SETBP1: variants seen among roughly 807,000 people sequenced by gnomAD.
SETBP1 encodes the protein SET-binding protein.
Under a neutral mutation model 101.0 loss-of-function variants are expected in SETBP1, and 9 were observed. The ratio of observed to expected loss-of-function variants is 0.09; its 90% CI spans 0.05 to 0.16. The LOEUF (loss-of-function observed/expected upper bound fraction) is 0.16, where lower values mean the gene tolerates loss of function less well. SETBP1 is among the 10% of genes least tolerant of loss of function. SETBP1 has a pLI of 1.00. For synonymous variants in SETBP1, 818 were observed against 788.5 expected (o/e 1.04, Z -0.63); for missense variants, 1,858 against 2,033.8 (o/e 0.91, Z 1.66).
intron 5 of SETBP1, among the ~76,000 whole-genome samples, chr18:45,053,271 C>T (rs1315091171): frequency 6.6e-6 from 1 of 152,100 alleles, no homozygotes; most frequent in Non-Finnish European, 1.5e-5. Flanking sequence ...GCACTAAAAT[C>T]TCAGATCAAC....
chr18:44,868,779 C>G (rs2069199677), intron 2 of SETBP1, among the ~76,000 whole-genome samples: 1 of 148,838 alleles, frequency 6.7e-6, no homozygotes, highest in African/African-American at 2.5e-5. Flanking sequence ...AGGAAAAGCC[C>G]TCTTAGAGGA....
intron 2 of SETBP1, among the ~76,000 whole-genome samples, chr18:44,846,250 G>T (rs1005625757): frequency 5.9e-5 from 9 of 152,102 alleles, no homozygotes; most frequent in African/African-American, 2.2e-4. Flanking sequence ...AAAGTTTAAT[G>T]CTCCCATAGT....
intron 4 of SETBP1, among the ~76,000 whole-genome samples, chr18:44,998,001 A>G (rs16978242): frequency 0.22 from 34,042 of 152,134 alleles, 4,058 homozygotes; most frequent in East Asian, 0.48. Flanking sequence ...TCTTTAGCAC[A>G]TATTGTAACT....
intron 2 of SETBP1, among the ~76,000 whole-genome samples, chr18:44,807,278 G>A (rs902410462): frequency 1.4e-4 from 21 of 151,970 alleles, no homozygotes; most frequent in African/African-American, 4.6e-4. Flanking sequence ...AAAGTTTACG[G>A]CCACTGATTT....
intron 2 of SETBP1, among the ~76,000 whole-genome samples, chr18:44,760,693 G>C (rs1412877703): frequency 6.6e-6 from 1 of 152,094 alleles, no homozygotes; most frequent in Non-Finnish European, 1.5e-5. Context: ...ACATTTTTCA[G>C]TTATTTTGCA....
At chr18:44,720,249 A>T (rs1481008063) in intron 2 of SETBP1, among the ~76,000 whole-genome samples, 1 of 152,246 alleles carries the variant, frequency 6.6e-6, no homozygotes, top group Non-Finnish European at 1.5e-5. Flanking sequence ...GCCATGAAGC[A>T]GAAGACACTG....
At chr18:44,749,732 A>C (rs1047953783) in intron 2 of SETBP1, among the ~76,000 whole-genome samples, 1 of 152,236 alleles carries the variant, frequency 6.6e-6, no homozygotes, top group African/African-American at 2.4e-5. Context: ...GTTTCAAAGA[A>C]GTTAGAAGTA....
At chr18:44,827,537 A>C (rs2072263440) in intron 2 of SETBP1, among the ~76,000 whole-genome samples, 1 of 152,210 alleles carries the variant, frequency 6.6e-6, no homozygotes, top group Non-Finnish European at 1.5e-5. Flanking sequence ...TCACTATCAA[A>C]TGTATATCAT....
rs553755849 is a variant in SETBP1 at position 44,699,793 on chromosome 18, G to A, written c.-172-1382G>A. 3.3e-5 allele frequency among the ~76,000 whole-genome samples: 5 copies of A among 152,360 alleles called. No individual in the cohort carries two copies. The East Asian group carries it at 7.7e-4, about 24-fold the overall frequency. On this transcript the variant is annotated intron_variant, in intron 1 of 5. Coordinates refer to ENST00000649279, the MANE Select transcript of SETBP1 (RefSeq NM_015559.3). ...CAGGGTCCGTGTTGGAGCCGGGGCT[G>A]CCTTCCTGGCTGGCTTCCTCACAGG... is the stretch of plus-strand genomic sequence containing the variant.
intron 5 of SETBP1, among the ~76,000 whole-genome samples, chr18:45,054,071 T>C (rs757147130): frequency 6.6e-6 from 1 of 152,170 alleles, no homozygotes; most frequent in Non-Finnish European, 1.5e-5. Flanking sequence ...TGATCCATAT[T>C]ACAACAAACA....
chr18:44,851,219 A>G (rs1441222786), intron 2 of SETBP1, among the ~76,000 whole-genome samples: 1 of 152,256 alleles, frequency 6.6e-6, no homozygotes, highest in Admixed American at 6.5e-5. Context: ...AATAAGTGGC[A>G]TAGATAGAAC....
In SETBP1 at chr18:44,953,371, T is replaced by C. The variant is rs768143906; in HGVS notation, c.4000+31T>C. 8 of 1,576,256 alleles carry C rather than the reference T, an allele frequency of 5.1e-6. No homozygotes were observed. In the South Asian group the frequency reaches 8.9e-5, roughly 18 times the overall value. Reference sequence around the variant, plus strand: ...GCTGTTTTTCTTCAGAAATGGATTATCAAGTTATTTCATTGCTGGGCTTTG... The same window carrying C: ...GCTGTTTTTCTTCAGAAATGGATTACCAAGTTATTTCATTGCTGGGCTTTG... On this transcript the variant is annotated intron_variant, in intron 4 of 5. Coordinates refer to ENST00000649279, the MANE Select transcript of SETBP1 (RefSeq NM_015559.3).
chr18:44,940,133 T>G (rs1420169574), intron 3 of SETBP1, among the ~76,000 whole-genome samples: 1 of 152,230 alleles, frequency 6.6e-6, no homozygotes, highest in Admixed American at 6.5e-5. Flanking sequence ...TCCATAATTA[T>G]CTCTGGGAAT....
chr18:44,768,769 A>G (rs993825768), intron 2 of SETBP1, among the ~76,000 whole-genome samples: 2 of 152,228 alleles, frequency 1.3e-5, no homozygotes, highest in African/African-American at 4.8e-5. Context: ...CTGTTTCACT[A>G]AAGACTTTGT....
At chr18:44,801,768 CTT>C (rs1032793487) in intron 2 of SETBP1, among the ~76,000 whole-genome samples, 10 of 137,316 alleles carry the variant, frequency 7.3e-5, no homozygotes, top group Admixed American at 1.5e-4. Flanking sequence ...TTAACAAAGA[CTT>C]TTTTTTTTTT....
At chr18:44,806,888 C>T (rs2071754127) in intron 2 of SETBP1, among the ~76,000 whole-genome samples, 1 of 151,790 alleles carries the variant, frequency 6.6e-6, no homozygotes, top group East Asian at 1.9e-4. Flanking sequence ...CAGTTTCCCT[C>T]CTGCGTGCCA....
At chr18:44,830,219 C>G (rs1438316572) in intron 2 of SETBP1, among the ~76,000 whole-genome samples, 1 of 152,180 alleles carries the variant, frequency 6.6e-6, no homozygotes, top group African/African-American at 2.4e-5. Flanking sequence ...ATCCACACAG[C>G]ATTTTCCAAA....
intron 3 of SETBP1, among the ~76,000 whole-genome samples, chr18:44,907,735 G>A (rs1334228627): frequency 6.6e-6 from 1 of 152,100 alleles, no homozygotes; most frequent in Non-Finnish European, 1.5e-5. Flanking sequence ...TTCCTTATGT[G>A]TTCTGGATAG....
intron 2 of SETBP1, among the ~76,000 whole-genome samples, chr18:44,802,203 G>A (rs1024283578): frequency 2.6e-5 from 4 of 152,160 alleles, no homozygotes; most frequent in Non-Finnish European, 5.9e-5. Flanking sequence ...CTGAAACAGA[G>A]ACAGTCATTC....
Sources: gnomAD v4.1 joint callset for allele counts (sites outside exome capture counted in the v4.1 genomes callset) on GRCh38, gnomAD v4.1.1 for gene constraint, MANE v1.5 for transcripts, NCBI Gene and HGNC (gene_info 2026-07-23, HGNC 2026-07-21) for gene names.